Variants in SYT1 observed in about 807,000 individuals in gnomAD.
The protein encoded by SYT1 is synaptotagmin 1, also known as synaptotagmin-1.
SYT1 carries 8 observed loss-of-function variants against 44.8 expected under a neutral mutation model. The ratio of observed to expected loss-of-function variants is 0.18; its 90% CI spans 0.10 to 0.32. The LOEUF is 0.32. SYT1 is among the 10% of genes least tolerant of loss of function. SYT1 has a pLI of 1.00. For missense variants in SYT1, 286 were observed against 509.3 expected (o/e 0.56, Z 4.22); for synonymous variants, 154 against 188.8 (o/e 0.82, Z 1.51).
intron 3 of SYT1, among the ~76,000 whole-genome samples, chr12:79,080,898 T>C (rs899094066): frequency 1.3e-5 from 2 of 152,130 alleles, no homozygotes; most frequent in Non-Finnish European, 2.9e-5. Flanking sequence ...AATCCTGTAA[T>C]GGATGTGAGA....
rs537661148 is a variant in SYT1 at position 79,041,105 on chromosome 12, G to A, written c.-83-6192G>A. Among the ~76,000 whole-genome samples the A allele has an allele frequency of 3.2e-4, 48 of 152,116 alleles. No individual in the cohort carries two copies. In the East Asian group the frequency reaches 4.6e-3, roughly 15 times the overall value. On this transcript the variant is annotated intron_variant, in intron 2 of 10. Transcript: ENST00000261205. Reference sequence around the variant, plus strand: ...TGGCTTAAGATTGACTTGGCAATGCGGGCTCTTTTTTGGTTCCATATGAAC... The same window carrying A: ...TGGCTTAAGATTGACTTGGCAATGCAGGCTCTTTTTTGGTTCCATATGAAC...
At chr12:78,972,226 G>T (rs555487861) in intron 1 of SYT1, among the ~76,000 whole-genome samples, 1 of 152,018 alleles carries the variant, frequency 6.6e-6, no homozygotes, top group South Asian at 2.1e-4. Flanking sequence ...TTGCCACAAA[G>T]AATATTTCAG....
intron 9 of SYT1, among the ~76,000 whole-genome samples, chr12:79,402,688 A>G (rs1405726228): frequency 6.6e-6 from 1 of 152,196 alleles, no homozygotes; most frequent in Non-Finnish European, 1.5e-5. Flanking sequence ...TCTCTGTGAA[A>G]GCTCATTAAA....
intron 2 of SYT1, among the ~76,000 whole-genome samples, chr12:79,033,700 A>G (rs552160640): frequency 4.6e-5 from 7 of 151,568 alleles, no homozygotes; most frequent in Middle Eastern, 6.8e-3. Context: ...AGCTTTTAAA[A>G]TGTGTTTTAA....
chr12:79,222,734 A>G (rs1875250402), intron 4 of SYT1, among the ~76,000 whole-genome samples: 1 of 151,858 alleles, frequency 6.6e-6, no homozygotes, highest in South Asian at 2.1e-4. Context: ...TTTATCTCCT[A>G]TGGCTTGATT....
At chr12:79,384,459 G>A (rs897958248) in intron 9 of SYT1, among the ~76,000 whole-genome samples, 14 of 152,116 alleles carry the variant, frequency 9.2e-5, no homozygotes, top group South Asian at 2.1e-4. Context: ...ATGAGGGCAC[G>A]TAATCAGAGT....
rs1188657243 is a variant in SYT1 at position 79,353,623 on chromosome 12, AGCCT to A, written c.928+7_928+10del. ...ATGGATGTGGGTGGCTTATCCGGTA[AGCCT>A]GCAGTGTTTATTGATTTTTTTCAAA... On this transcript the variant is annotated splice_donor_5th_base_variant and intron_variant, in intron 9 of 10. Transcript: ENST00000261205. The A allele has an allele frequency of 6.2e-7, 1 of 1,606,448 alleles. No homozygotes were observed.
At chr12:79,306,241 A>G (rs976375630) in intron 8 of SYT1, among the ~76,000 whole-genome samples, 7 of 152,252 alleles carry the variant, frequency 4.6e-5, no homozygotes, top group African/African-American at 1.7e-4. Flanking sequence ...ATGTTCTATC[A>G]CCTTTGAGAG....
chr12:78,896,045 G>T (rs942020996), intron 1 of SYT1, among the ~76,000 whole-genome samples: 41 of 151,622 alleles, frequency 2.7e-4, no homozygotes, highest in Non-Finnish European at 1.2e-4. Flanking sequence ...AGAGCACTTG[G>T]ATCAATTTCT....
rs1877193386 is a variant in SYT1 at position 78,924,533 on chromosome 12, A to G, written c.-216-53266A>G. ...CCTGAAAAACAGCTTTTTTCCACCT[A>G]ATTATTTATTTATATCCTGGTAGAC... On this transcript the variant is annotated intron_variant, in intron 1 of 10. Coordinates refer to ENST00000261205, the MANE Select transcript of SYT1 (RefSeq NM_005639.3). 3.3e-5 allele frequency among the ~76,000 whole-genome samples: 5 copies of G among 150,654 alleles called. No homozygotes were observed. In the South Asian group the frequency reaches 6.3e-4, roughly 19 times the overall value.
chr12:79,273,121 CT>C (rs34751116), intron 4 of SYT1, among the ~76,000 whole-genome samples: 210 of 138,760 alleles, frequency 1.5e-3, no homozygotes, highest in South Asian at 1.8e-3. Context: ...TTTTTTCTTT[CT>C]TTTTTTTTTT....
At chr12:79,282,044 C>T (rs1879079742) in intron 4 of SYT1, among the ~76,000 whole-genome samples, 1 of 152,168 alleles carries the variant, frequency 6.6e-6, no homozygotes, top group Non-Finnish European at 1.5e-5. Context: ...AACAGAGACT[C>T]TTCAAATCTC....
chr12:79,444,110 G>A lies in SYT1; in HGVS notation c.966G>A (p.Lys322=). The A allele has an allele frequency of 6.2e-7, 1 of 1,613,470 alleles. No homozygotes were observed. The highest frequency in any genetic ancestry group is 8.5e-7 in the Non-Finnish European group (1 of 1,179,628). ...YVKIHLMQNG[K]RLKKKKTTIK... ...AGATTCATCTGATGCAGAATGGTAAGAGGCTGAAGAAGAAAAAGACAACAA... is the reference window on the plus strand; with the variant it reads ...AGATTCATCTGATGCAGAATGGTAAAAGGCTGAAGAAGAAAAAGACAACAA... Residue 322 remains lysine, a synonymous_variant, in exon 10 of 11, where the codon AAG becomes AAA. Transcript: ENST00000261205.
chr12:79,329,204 C>T (rs1881746314), intron 8 of SYT1, among the ~76,000 whole-genome samples: 1 of 152,060 alleles, frequency 6.6e-6, no homozygotes, highest in South Asian at 2.1e-4. Context: ...CGTAAGCAAC[C>T]CTGCAGAAGG....
intron 9 of SYT1, among the ~76,000 whole-genome samples, chr12:79,396,879 G>A (rs758290150): frequency 2.6e-5 from 4 of 152,150 alleles, no homozygotes; most frequent in Non-Finnish European, 5.9e-5. Flanking sequence ...TTTGGGTGCT[G>A]GTAAGTGCAA....
chr12:79,280,818 A>G (rs1270416570), intron 4 of SYT1, among the ~76,000 whole-genome samples: 2 of 151,852 alleles, frequency 1.3e-5, no homozygotes, highest in Middle Eastern at 3.2e-3. Context: ...AAAGATAATA[A>G]TCCCATAAAA....
chr12:79,377,196 C>A (rs939758738), intron 9 of SYT1, among the ~76,000 whole-genome samples: 2 of 152,174 alleles, frequency 1.3e-5, no homozygotes, highest in African/African-American at 4.8e-5. Flanking sequence ...ACTGCAAGCT[C>A]TGCCTCCCAG....
At chr12:79,161,237 C>G (rs546772435) in intron 3 of SYT1, among the ~76,000 whole-genome samples, 11 of 151,942 alleles carry the variant, frequency 7.2e-5, no homozygotes, top group Non-Finnish European at 1.3e-4. Context: ...GAGATCCTGT[C>G]TCAAAAAAGT....
At chr12:78,892,664 C>A (rs1875121816) in intron 1 of SYT1, among the ~76,000 whole-genome samples, 1 of 151,076 alleles carries the variant, frequency 6.6e-6, no homozygotes, top group Non-Finnish European at 1.5e-5. Context: ...AAAAGGAAGT[C>A]AAAATTTAAA....
Sources: gnomAD v4.1 joint callset for allele counts (sites outside exome capture counted in the v4.1 genomes callset) on GRCh38, gnomAD v4.1.1 for gene constraint, MANE v1.5 for transcripts, NCBI Gene and HGNC (gene_info 2026-07-23, HGNC 2026-07-21) for gene names.